KIF6: variants seen among roughly 807,000 people sequenced by gnomAD.
The protein encoded by KIF6 is kinesin family member 6.
A neutral mutation model predicts 112.7 loss-of-function variants in KIF6; 106 were observed. The ratio of observed to expected loss-of-function variants is 0.94; its 90% CI spans 0.80 to 1.11. The LOEUF (loss-of-function observed/expected upper bound fraction) is 1.11. Ranked by LOEUF, KIF6 falls within the 50% of genes least tolerant of loss-of-function variation. KIF6 has a pLI of 0.00. For synonymous variants in KIF6, 339 were observed against 339.9 expected (o/e 1.00, Z 0.03); for missense variants, 929 against 964.0 (o/e 0.96, Z 0.48).
chr6:39,597,214 A>G (rs1406604078), intron 6 of KIF6, among the ~76,000 whole-genome samples: 1 of 152,212 alleles, frequency 6.6e-6, no homozygotes, highest in Non-Finnish European at 1.5e-5. Flanking sequence ...AAAAAGACAA[A>G]TTGATCCTAA....
At chr6:39,545,254 T>C (rs1779004107) in intron 11 of KIF6, among the ~76,000 whole-genome samples, 1 of 152,204 alleles carries the variant, frequency 6.6e-6, no homozygotes, top group South Asian at 2.1e-4. Flanking sequence ...ATCATATGGG[T>C]ATATCAAACT....
chr6:39,537,574 A>G (rs1778518991), intron 13 of KIF6, among the ~76,000 whole-genome samples: 1 of 152,012 alleles, frequency 6.6e-6, no homozygotes, highest in Non-Finnish European at 1.5e-5. Flanking sequence ...AGAGGATACA[A>G]ACAAATGGAA....
chr6:39,337,698 G>A (rs1219111967), intron 22 of KIF6, among the ~76,000 whole-genome samples: 1 of 152,084 alleles, frequency 6.6e-6, no homozygotes, highest in Non-Finnish European at 1.5e-5. Flanking sequence ...ATTCCAGGAT[G>A]GCTCCTCCTG....
intron 3 of KIF6, among the ~76,000 whole-genome samples, chr6:39,712,152 T>C (rs1789592718): frequency 6.6e-6 from 1 of 151,970 alleles, no homozygotes; most frequent in African/African-American, 2.4e-5. Flanking sequence ...ATAAACTGGT[T>C]AAAGTAACTA....
chr6:39,559,829 TA>T (rs534131446), intron 10 of KIF6, among the ~76,000 whole-genome samples: 540 of 141,142 alleles, frequency 3.8e-3, no homozygotes, highest in Middle Eastern at 7.0e-3. Flanking sequence ...AGTGGTACTT[TA>T]AAAAAAAAAA....
chr6:39,464,424 T>C (rs1205912125), intron 13 of KIF6, among the ~76,000 whole-genome samples: 2 of 152,238 alleles, frequency 1.3e-5, no homozygotes, highest in East Asian at 3.8e-4. Context: ...ATGTCTGCTT[T>C]AGATCAGCCA....
chr6:39,502,076 G>A (rs1252803772), intron 13 of KIF6, among the ~76,000 whole-genome samples: 1 of 151,976 alleles, frequency 6.6e-6, no homozygotes, highest in Non-Finnish European at 1.5e-5. Flanking sequence ...AAATGTTAAG[G>A]GCAGCCAGAT....
intron 15 of KIF6, among the ~76,000 whole-genome samples, chr6:39,419,353 C>CAAAAAA (rs10682536): frequency 1.4e-5 from 1 of 73,734 alleles, no homozygotes; most frequent in Non-Finnish European, 2.4e-5. Flanking sequence ...GACTCTGTCT[C>CAAAAAA]AAAAAAAAAA....
intron 6 of KIF6, among the ~76,000 whole-genome samples, chr6:39,602,494 C>T (rs191552111): frequency 9.9e-4 from 150 of 152,202 alleles, no homozygotes; most frequent in African/African-American, 3.2e-3. Flanking sequence ...GTGTCTTATG[C>T]GTCATTGCCT....
intron 18 of KIF6, among the ~76,000 whole-genome samples, chr6:39,357,775 C>A (rs577866345): frequency 6.6e-6 from 1 of 152,150 alleles, no homozygotes; most frequent in East Asian, 1.9e-4. Flanking sequence ...GGGGAACAAG[C>A]CAGCTATAAA....
chr6:39,644,034 T>G (rs1397196475), intron 3 of KIF6, among the ~76,000 whole-genome samples: 1 of 152,100 alleles, frequency 6.6e-6, no homozygotes, highest in African/African-American at 2.4e-5. Context: ...CGAATAGACA[T>G]TTCTCTAAAA....
intron 13 of KIF6, among the ~76,000 whole-genome samples, chr6:39,464,814 G>A (rs1773692561): frequency 6.6e-6 from 1 of 152,022 alleles, no homozygotes; most frequent in Non-Finnish European, 1.5e-5. Flanking sequence ...ACCTACAATG[G>A]AAAAAAAGCC....
intron 5 of KIF6, among the ~76,000 whole-genome samples, chr6:39,614,932 C>T (rs1451780581): frequency 1.3e-5 from 2 of 152,080 alleles, no homozygotes; most frequent in Non-Finnish European, 2.9e-5. Context: ...CCTAAACCGA[C>T]AGATTCTGGG....
intron 7 of KIF6, among the ~76,000 whole-genome samples, chr6:39,595,257 A>G (rs185679009): frequency 2.6e-5 from 4 of 152,316 alleles, no homozygotes; most frequent in African/African-American, 7.2e-5. Context: ...TGTAACCTCT[A>G]TTTACACCAA....
intron 15 of KIF6, among the ~76,000 whole-genome samples, chr6:39,419,331 G>A (rs991755462): frequency 8.5e-6 from 1 of 117,662 alleles, no homozygotes; most frequent in South Asian, 3.2e-4. Flanking sequence ...TCCAGCCTGG[G>A]CAACAGAGTG....
intron 3 of KIF6, among the ~76,000 whole-genome samples, chr6:39,668,835 T>C (rs1040812434): frequency 9.2e-5 from 14 of 152,094 alleles, no homozygotes; most frequent in Admixed American, 7.2e-4. Context: ...ATTATGTGAA[T>C]ACATATTTAG....
chr6:39,723,681 G>A (rs1451592023), intron 1 of KIF6, among the ~76,000 whole-genome samples: 1 of 152,174 alleles, frequency 6.6e-6, no homozygotes, highest in Non-Finnish European at 1.5e-5. Flanking sequence ...ACTCATAAGT[G>A]GGAGCTGAAC....
intron 10 of KIF6, among the ~76,000 whole-genome samples, chr6:39,562,777 A>G (rs1029158752): frequency 6.6e-6 from 1 of 152,234 alleles, no homozygotes; most frequent in Non-Finnish European, 1.5e-5. Flanking sequence ...AATAAATGGC[A>G]TTTATTTATA....
chr6:39,337,191 C>CTT (rs767518036), intron 22 of KIF6, among the ~76,000 whole-genome samples: 3 of 88,282 alleles, frequency 3.4e-5, no homozygotes, highest in African/African-American at 8.7e-5. Flanking sequence ...TTCTTTCTTT[C>CTT]TTTCTTTCTT....
Sources: allele counts gnomAD v4.1 joint callset (sites outside exome capture counted in the v4.1 genomes callset), GRCh38; gene constraint gnomAD v4.1.1; transcripts MANE v1.5; gene names NCBI Gene and HGNC (gene_info 2026-07-23, HGNC 2026-07-21).